HIVEP2: variants seen among roughly 807,000 people sequenced by gnomAD.
HIVEP2 encodes HIVEP zinc finger 2.
HIVEP2 carries 14 observed loss-of-function variants against 180.7 expected under a neutral mutation model. The observed-to-expected ratio is 0.08, with a 90% CI of 0.05 to 0.12. The LOEUF (loss-of-function observed/expected upper bound fraction) is 0.12, where lower values mean the gene tolerates loss of function less well. Among genes scored for constraint, HIVEP2 ranks in the 10% least tolerant of loss-of-function variants. The pLI is 1.00. For missense variants in HIVEP2, 2,579 were observed against 3,008.5 expected, an observed-to-expected ratio of 0.86 and a Z score of 3.34; for synonymous variants, 1,184 against 1,136.4, an observed-to-expected ratio of 1.04 and a Z score of -0.84.
chr6:142,794,149 C>G lies in HIVEP2; in HGVS notation c.-527-10534G>C, dbSNP rs1776226775. 2.6e-5 allele frequency: 4 copies of G among 152,118 alleles called. No homozygotes were observed. The South Asian group carries it at 8.3e-4, about 32-fold the overall frequency. 9.4% of individuals were successfully genotyped at this position (152,118 alleles called of 1,614,324 possible). On this transcript the variant is annotated intron_variant, in intron 2 of 9. Coordinates refer to ENST00000367603, the MANE Select transcript of HIVEP2 (RefSeq NM_006734.4). ...AGAAAGCTAAGATCTAAATCTGTGG[C>G]CATCTTATAGGAAGGATCTAGACAT...
rs1775653506 is a variant in HIVEP2 at position 142,774,770 on chromosome 6, C to T, written c.-32G>A. On this transcript the variant is annotated 5_prime_UTR_variant, in exon 5 of 10. Transcript: ENST00000367603. The surrounding 1 kb of genome is among the most constrained non-coding windows in gnomAD (Gnocchi z 5.1). ...ACACAAGGTCTTAAGTGCTAGTTCC[C>T]CTGAAAGCAGTGCAGACTCATGGAG... is the stretch of plus-strand genomic sequence containing the variant. 1.9e-6 allele frequency: 3 copies of T among 1,601,992 alleles called. No individual in the cohort carries two copies. In the South Asian group the frequency reaches 3.4e-5, roughly 18 times the overall value.
At chr6:142,837,637 A>C (rs1478516080) in intron 1 of HIVEP2, among the ~76,000 whole-genome samples, 1 of 152,120 alleles carries the variant, frequency 6.6e-6, no homozygotes, top group South Asian at 2.1e-4. Context: ...CTAAGGACTC[A>C]CAAATAGCTT....
chr6:142,885,213 T>TTAGGTCCAGGAAA (rs1776666011), intron 1 of HIVEP2, among the ~76,000 whole-genome samples: 1 of 152,016 alleles, frequency 6.6e-6, no homozygotes, highest in Admixed American at 6.6e-5. Context: ...GCCAGCTTCT[T>TTAGGTCCAGGAAA]TAGGTCCAGG....
At chr6:142,831,281 T>C (rs951647218) in intron 2 of HIVEP2, among the ~76,000 whole-genome samples, 6 of 152,336 alleles carry the variant, frequency 3.9e-5, no homozygotes, top group African/African-American at 1.4e-4. Context: ...AGGTCTGCGA[T>C]GCAGTGCCTT....
At position 142,770,984 on chromosome 6, in the gene HIVEP2, T is replaced by C. The variant is rs751435761; in HGVS notation, c.3755A>G (p.His1252Arg). 5 of 1,614,142 alleles carry C rather than the reference T, an allele frequency of 3.1e-6. No homozygotes were observed. In the South Asian group the frequency reaches 5.5e-5, roughly 18 times the overall value. Residue 1252 changes from histidine (H) to arginine (R), a missense_variant, in exon 5 of 10, where the codon CAT becomes CGT. His to Arg is a conservative substitution (Grantham distance 29, BLOSUM62 0). This residue lies in a region of HIVEP2 where 523 missense variants were observed against 577.0 expected (regional missense o/e 0.91). Coordinates refer to ENST00000367603, the MANE Select transcript of HIVEP2 (RefSeq NM_006734.4). The surrounding 1 kb of genome is among the most constrained non-coding windows in gnomAD (Gnocchi z 4.7). The stretch of plus-strand genomic sequence containing the variant: ...CACATGCTCTAAGGGATAGCTCGAA[T>C]GGATTTCTGTCTGAAAAGAGGGCTT... ...YGKPSFQTEI[H>R]SSYPLEHVAE...
intron 1 of HIVEP2, among the ~76,000 whole-genome samples, chr6:142,918,480 G>A (rs964586140): frequency 2.0e-5 from 3 of 152,154 alleles, no homozygotes; most frequent in South Asian, 2.1e-4. Context: ...TTAACAGACC[G>A]CGTGCCTCCT....
In HIVEP2 at chr6:142,771,681, C is replaced by T. The variant is rs774979801; in HGVS notation, c.3058G>A (p.Gly1020Ser). Residue 1020 changes from glycine (G) to serine (S), a missense_variant, in exon 5 of 10, where the codon GGC becomes AGC. Gly to Ser is a moderately conservative substitution (Grantham distance 56). Coordinates refer to ENST00000367603, the MANE Select transcript of HIVEP2 (RefSeq NM_006734.4). The surrounding 1 kb of genome is among the most constrained non-coding windows in gnomAD (Gnocchi z 5.4). The stretch of plus-strand genomic sequence containing the variant: ...CGCATCTCTTTCTGGTGGTGATGGC[C>T]TGGGACAGACAATGAGTATGAACCA... Reference protein sequence around the residue: ...PAGSYSLSVPGHHHQKEMRRC... With the variant: ...PAGSYSLSVPSHHHQKEMRRC... The T allele has an allele frequency of 3.7e-5, 59 of 1,614,038 alleles. No individual in the cohort carries two copies. Among genetic ancestry groups the T allele is most frequent in the Middle Eastern group, 1.6e-4 (1 of 6,084 alleles).
chr6:142,785,321 A>T (rs1023080945), intron 2 of HIVEP2, among the ~76,000 whole-genome samples: 6 of 28,092 alleles, frequency 2.1e-4, no homozygotes, highest in African/African-American at 6.6e-4. Context: ...AAAAAAAAAA[A>T]AAAAAAAAAA....
In HIVEP2 at chr6:142,943,943, C is replaced by T. The variant is rs772433365; in HGVS notation, c.-641+1156G>A. Among the ~76,000 whole-genome samples the T allele has an allele frequency of 6.6e-6, 1 of 152,200 alleles. No individual in the cohort carries two copies. Among genetic ancestry groups the T allele is most frequent in the Non-Finnish European group, 1.5e-5 (1 of 68,028 alleles). ...CCGCCGCCCACACATTATTGCTTCT[C>T]TCCTCCAAGTGTCTTGATTAAGGAC... is the stretch of plus-strand genomic sequence containing the variant. On this transcript the variant is annotated intron_variant, in intron 1 of 9. Coordinates refer to ENST00000367603, the MANE Select transcript of HIVEP2 (RefSeq NM_006734.4). The surrounding 1 kb of genome is among the most constrained non-coding windows in gnomAD (Gnocchi z 4.5).
chr6:142,920,387 C>T (rs554856338), intron 1 of HIVEP2, among the ~76,000 whole-genome samples: 4 of 152,264 alleles, frequency 2.6e-5, no homozygotes, highest in East Asian at 3.9e-4. Flanking sequence ...ACTTTGAGCC[C>T]TACCCATGGT....
In HIVEP2 at chr6:142,774,245, T is replaced by A. The variant is rs749619591; in HGVS notation, c.494A>T (p.Tyr165Phe). The change falls in exon 5 of 10, where the codon TAC (tyrosine) becomes TTC (phenylalanine). Residue 165 changes from tyrosine (Y) to phenylalanine (F), a missense_variant. By Grantham distance (22) the Tyr-to-Phe change is conservative. Around this residue, in one of 11 missense-constraint regions of HIVEP2, gnomAD observed 207 missense variants for 210.1 expected, o/e 0.99. Transcript: ENST00000367603. The surrounding 1 kb of genome is among the most constrained non-coding windows in gnomAD (Gnocchi z 5.1). ...TGCCTGTTCAATACTTTTCTGGGAG[T>A]ATTGGCTATAAGCAGGGTTCAGACT... The part of the protein sequence containing the change: ...ISSLNPAYSQ[Y>F]SQKSIEQAEE... 1 of 1,614,066 alleles carries A rather than the reference T, an allele frequency of 6.2e-7. No homozygotes were observed. Among genetic ancestry groups the A allele is most frequent in the Admixed American group, 1.7e-5 (1 of 60,018 alleles).
rs532193397 is a variant in HIVEP2 at position 142,772,380 on chromosome 6, A to T, written c.2359T>A (p.Ser787Thr). 1 of 1,614,212 alleles carries T rather than the reference A, an allele frequency of 6.2e-7. No homozygotes were observed. The highest frequency in any genetic ancestry group is 2.2e-5 in the East Asian group (1 of 44,888). Reference protein sequence around the residue: ...SPSAIDSDKMSDLGGRKPPGN... With the variant: ...SPSAIDSDKMTDLGGRKPPGN... ...GGAGGTTTCCTGCCCCCTAGGTCTGACATCTTGTCTGAATCAATGGCTGAA... is the reference window on the plus strand; with the variant it reads ...GGAGGTTTCCTGCCCCCTAGGTCTGTCATCTTGTCTGAATCAATGGCTGAA... The change falls in exon 5 of 10, where the codon TCA (serine) becomes ACA (threonine). Residue 787 changes from serine (S) to threonine (T), a missense_variant. Physicochemically the swap from Ser to Thr is moderately conservative, Grantham distance 58. Around this residue, in one of 11 missense-constraint regions of HIVEP2, gnomAD observed 524 missense variants for 563.6 expected, o/e 0.93. Transcript: ENST00000367603. The surrounding 1 kb of genome is among the most constrained non-coding windows in gnomAD (Gnocchi z 4.9).
chr6:142,760,352 C>T lies in HIVEP2; in HGVS notation c.5936G>A (p.Arg1979Gln), dbSNP rs746928726. The T allele has an allele frequency of 6.2e-6, 10 of 1,613,972 alleles. No homozygotes were observed. In the African/African-American group the frequency reaches 8.0e-5, roughly 13 times the overall value. ...ISYLVTLPSI[R>Q]VTQLMTPSDS... ...ACTGGGTGTCATAAGCTGAGTAACT[C>T]GAATACTTGGCAAAGTAACCAAATA... Residue 1979 changes from arginine to glutamine, a missense_variant, in exon 9 of 10, where the codon CGA (arginine) becomes CAA (glutamine). Coordinates refer to ENST00000367603, the MANE Select transcript of HIVEP2 (RefSeq NM_006734.4).
intron 2 of HIVEP2, among the ~76,000 whole-genome samples, chr6:142,814,322 C>T (rs1776778862): frequency 6.6e-6 from 1 of 152,098 alleles, no homozygotes; most frequent in South Asian, 2.1e-4. Context: ...GGGAAGTCAT[C>T]AAAAATTTCT....
chr6:142,862,705 CTA>C (rs545612574), intron 1 of HIVEP2, among the ~76,000 whole-genome samples: 4 of 138,328 alleles, frequency 2.9e-5, no homozygotes, highest in South Asian at 2.3e-4. Flanking sequence ...ATATATGTAA[CTA>C]TATATTATAC....
At chr6:142,777,993 G>C (rs959417994) in intron 3 of HIVEP2, among the ~76,000 whole-genome samples, 7 of 152,098 alleles carry the variant, frequency 4.6e-5, no homozygotes, top group African/African-American at 1.7e-4. Flanking sequence ...ATTCCCACAG[G>C]AACGGTAAGT....
At chr6:142,936,201 C>CT (rs981321580) in intron 1 of HIVEP2, among the ~76,000 whole-genome samples, 9 of 149,980 alleles carry the variant, frequency 6.0e-5, no homozygotes, top group Non-Finnish European at 7.4e-5. Context: ...CTCTCTCTCT[C>CT]TTTTTTTTTG....
rs758855452 is a variant in HIVEP2, at chr6:142,773,173, G to T, written c.1566C>A (p.Asn522Lys). The T allele has an allele frequency of 1.2e-6, 2 of 1,614,226 alleles. No individual in the cohort carries two copies. Among genetic ancestry groups the T allele is most frequent in the East Asian group, 2.2e-5 (1 of 44,894 alleles). ...AGAGAACCGGGTTGCTGCCTTGGAA[G>T]TTTGCTGGATAAAGTTTTCCTTCGT... is the stretch of plus-strand genomic sequence containing the variant. ...IRNEGKLYPA[N>K]FQGSNPVLLE... is the part of the protein sequence containing the mutation. Residue 522 changes from asparagine to lysine, a missense_variant, in exon 5 of 10, where the codon AAC becomes AAA. Coordinates refer to ENST00000367603, the MANE Select transcript of HIVEP2 (RefSeq NM_006734.4).
At chr6:142,765,073 G>A (rs1775347741) in intron 6 of HIVEP2, 99 bp from the exon 7 acceptor site, 1 of 1,097,428 alleles carries the variant, frequency 9.1e-7, no homozygotes, top group Non-Finnish European at 1.3e-6. Context: ...GTTTTATGAG[G>A]GTCTTTTGCA....
Sources: allele counts gnomAD v4.1 joint callset (sites outside exome capture counted in the v4.1 genomes callset), GRCh38; gene constraint gnomAD v4.1.1; regional missense constraint gnomAD v4.1.1; non-coding constraint Gnocchi (gnomAD v3.1); transcripts MANE v1.5; gene names NCBI Gene and HGNC (gene_info 2026-07-23, HGNC 2026-07-21).